The following PMFBP1 variants were observed in gnomAD, a reference collection of about 807,000 sequenced individuals.
The protein encoded by PMFBP1 is polyamine-modulated factor 1-binding protein 1.
In PMFBP1, 131 loss-of-function variants were observed where a neutral mutation model predicts 137.8. The ratio of observed to expected loss-of-function variants is 0.95; its 90% CI spans 0.82 to 1.10. The LOEUF is 1.10. Ranked by LOEUF, PMFBP1 falls within the 50% of genes least tolerant of loss-of-function variation. The pLI, the probability that PMFBP1 is intolerant of heterozygous loss-of-function variation, is 0.00. For missense variants in PMFBP1, 1,199 were observed against 1,175.4 expected (o/e 1.02, Z -0.29); for synonymous variants, 490 against 450.4 (o/e 1.09, Z -1.11).
chr16:72,205,219 T>C, the PMFBP1 span, among the ~76,000 whole-genome samples: 2 of 152,240 alleles, frequency 1.3e-5, no homozygotes, highest in Non-Finnish European at 2.9e-5. Flanking sequence ...CTCTTTTCCC[T>C]AATTTCTAAA....
chr16:72,160,939 G>T (rs909166869), intron 3 of PMFBP1, among the ~76,000 whole-genome samples: 1 of 152,080 alleles, frequency 6.6e-6, no homozygotes, highest in Non-Finnish European at 1.5e-5. Flanking sequence ...GTTTCTCCTT[G>T]TTCACAAGGT....
intron 3 of PMFBP1, among the ~76,000 whole-genome samples, chr16:72,160,326 T>A (rs187574061): frequency 1.3e-4 from 20 of 152,360 alleles, no homozygotes; most frequent in Admixed American, 3.3e-4. Context: ...TTTCCCTTTT[T>A]AAAAAGATGA....
At chr16:72,216,898 C>T in the PMFBP1 span, among the ~76,000 whole-genome samples, 5 of 152,124 alleles carry the variant, frequency 3.3e-5, no homozygotes, top group Non-Finnish European at 7.3e-5. Context: ...AGTAGTGAAG[C>T]GAGAAAGGGA....
At chr16:72,170,674 C>A (rs1328406916) in intron 2 of PMFBP1, among the ~76,000 whole-genome samples, 3 of 152,136 alleles carry the variant, frequency 2.0e-5, no homozygotes, top group South Asian at 2.1e-4. Flanking sequence ...TCAAGTGATC[C>A]TCCTGCCTCG....
intron 5 of PMFBP1, among the ~76,000 whole-genome samples, chr16:72,147,822 T>C (rs142312807): frequency 7.0e-4 from 107 of 152,240 alleles, no homozygotes; most frequent in African/African-American, 2.4e-3. Context: ...CACAATGAGA[T>C]ACCATCTCAT....
intron 1 of PMFBP1, chr16:72,171,605 C>G (rs2043221376): frequency 2.6e-5 from 5 of 192,134 alleles, no homozygotes; most frequent in Admixed American, 2.2e-4. Flanking sequence ...ATATTATGTA[C>G]TTATTATGAA....
chr16:72,128,581 A>G, intron 14 of PMFBP1, 76 bp downstream of exon 14: 1 of 1,612,312 alleles, frequency 6.2e-7, no homozygotes, highest in South Asian at 1.1e-5. Flanking sequence ...TGTGTGGAGG[A>G]GAGGTGGGTA....
upstream of PMFBP1, among the ~76,000 whole-genome samples, chr16:72,174,557 G>A (rs2043250148): frequency 1.3e-5 from 2 of 152,172 alleles, no homozygotes; most frequent in African/African-American, 4.8e-5. Flanking sequence ...ACTAGTATTA[G>A]TCTGTTCTCA....
the PMFBP1 span, among the ~76,000 whole-genome samples, chr16:72,229,951 T>C: frequency 6.6e-6 from 1 of 152,164 alleles, no homozygotes; most frequent in African/African-American, 2.4e-5. Context: ...CAGCAGCACA[T>C]ATTACCAGAG....
chr16:72,219,916 TTTAGCAAAAGCAGCCTTC>T, the PMFBP1 span, among the ~76,000 whole-genome samples: 21 of 152,192 alleles, frequency 1.4e-4, no homozygotes, highest in African/African-American at 3.9e-4. Flanking sequence ...TAGAAAGTTC[TTTAGCAAAAGCAGCCTTC>T]AGTTTAACTG....
intron 5 of PMFBP1, among the ~76,000 whole-genome samples, chr16:72,142,237 A>T (rs775707174): frequency 6.6e-6 from 1 of 152,208 alleles, no homozygotes; most frequent in Non-Finnish European, 1.5e-5. Flanking sequence ...AATGACTAGA[A>T]AACAAAACAG....
At chr16:72,213,560 G>C in the PMFBP1 span, among the ~76,000 whole-genome samples, 1 of 152,196 alleles carries the variant, frequency 6.6e-6, no homozygotes, top group Non-Finnish European at 1.5e-5. Flanking sequence ...TCTTCTCCTG[G>C]TTGAACTTTG....
chr16:72,180,157 G>A (rs1487371834), upstream of PMFBP1, among the ~76,000 whole-genome samples: 1 of 152,156 alleles, frequency 6.6e-6, no homozygotes, highest in Non-Finnish European at 1.5e-5. Flanking sequence ...TTGCTAAAGG[G>A]TACCTTTCCC....
the PMFBP1 span, among the ~76,000 whole-genome samples, chr16:72,231,971 A>C: frequency 7.4e-6 from 1 of 135,284 alleles, no homozygotes; most frequent in African/African-American, 2.7e-5. Flanking sequence ...CATTTTGGCT[A>C]TTTGGGTCTT....
chr16:72,210,373 T>C, the PMFBP1 span, among the ~76,000 whole-genome samples: 2 of 152,216 alleles, frequency 1.3e-5, no homozygotes, highest in Non-Finnish European at 2.9e-5. Flanking sequence ...ACAAGTCTGA[T>C]CTGTACAGCT....
chr16:72,188,482 T>C, the PMFBP1 span, among the ~76,000 whole-genome samples: 4 of 152,226 alleles, frequency 2.6e-5, no homozygotes, highest in Non-Finnish European at 5.9e-5. Context: ...TCTTGATTAA[T>C]AGGAATATTC....
At chr16:72,185,464 T>C in the PMFBP1 span, among the ~76,000 whole-genome samples, 7 of 152,040 alleles carry the variant, frequency 4.6e-5, no homozygotes, top group Non-Finnish European at 1.0e-4. Context: ...CATTATTCCA[T>C]TTCTCTCCTC....
the PMFBP1 span, among the ~76,000 whole-genome samples, chr16:72,245,575 CA>C: frequency 2.6e-5 from 4 of 152,220 alleles, no homozygotes; most frequent in Non-Finnish European, 5.9e-5. Context: ...ACAGACCCTA[CA>C]GAGACATGTT....
rs1254421328 is a variant in PMFBP1, at chr16:72,132,660, T to C, written c.1447+88A>G. On this transcript the variant is annotated intron_variant, in intron 10 of 20. Coordinates refer to ENST00000237353, the MANE Select transcript of PMFBP1 (RefSeq NM_031293.3). ...GACACTGGAGGAGGGCGAGGGGAAGTGGCCACTGGGAGAGAGAAGGTGGCT... is the reference window on the plus strand; with the variant it reads ...GACACTGGAGGAGGGCGAGGGGAAGCGGCCACTGGGAGAGAGAAGGTGGCT... 44 of 1,574,622 alleles carry C rather than the reference T, an allele frequency of 2.8e-5. 1 individual carries two copies. In the South Asian group the frequency reaches 5.1e-4, roughly 18 times the overall value.
Sources: allele counts gnomAD v4.1 joint callset (sites outside exome capture counted in the v4.1 genomes callset), GRCh38; gene constraint gnomAD v4.1.1; transcripts MANE v1.5; gene names NCBI Gene and HGNC (gene_info 2026-07-23, HGNC 2026-07-21).